DOK6: variants seen among roughly 807,000 people sequenced by gnomAD.
The protein encoded by DOK6 is downstream of tyrosine kinase 6.
DOK6 carries 22 observed loss-of-function variants against 44.0 expected under a neutral mutation model. The ratio of observed to expected loss-of-function variants is 0.50; its 90% confidence interval spans 0.36 to 0.71. DOK6 has a LOEUF of 0.71. DOK6 is among the 30% of genes least tolerant of loss of function. The probability of loss-of-function intolerance (pLI) is 0.00; values close to 1 mark genes in which losing one functional copy is unlikely to be tolerated. For synonymous variants in DOK6, 166 were observed against 145.5 expected, an observed-to-expected ratio of 1.14 and a Z score of -1.01; for missense variants, 340 against 416.4, an observed-to-expected ratio of 0.82 and a Z score of 1.60.
At chr18:69,572,962 C>T (rs1046906600) in intron 2 of DOK6, among the ~76,000 whole-genome samples, 2 of 150,252 alleles carry the variant, frequency 1.3e-5, no homozygotes, top group African/African-American at 2.4e-5. Context: ...TTTTGAGCCA[C>T]GACATGTAGC....
At chr18:69,558,833 T>C (rs1982754873) in intron 1 of DOK6, among the ~76,000 whole-genome samples, 1 of 152,152 alleles carries the variant, frequency 6.6e-6, no homozygotes, top group South Asian at 2.1e-4. Flanking sequence ...GCAGAATCTT[T>C]AGTTTAGTTA....
At chr18:69,818,241 T>C (rs558237290) in intron 7 of DOK6, among the ~76,000 whole-genome samples, 2 of 152,276 alleles carry the variant, frequency 1.3e-5, no homozygotes, top group African/African-American at 4.8e-5. Flanking sequence ...CCCATTCCAA[T>C]GCAGTTCCTT....
intron 1 of DOK6, among the ~76,000 whole-genome samples, chr18:69,502,477 G>A (rs1473766854): frequency 6.6e-6 from 1 of 152,086 alleles, no homozygotes; most frequent in African/African-American, 2.4e-5. Context: ...CTCAGAAGAG[G>A]TTACAGTCAA....
intron 7 of DOK6, among the ~76,000 whole-genome samples, chr18:69,811,552 ATATATATATATATATATATATATATC>A (rs1331644905): frequency 0.22 from 6,079 of 27,456 alleles, 393 homozygotes; most frequent in Admixed American, 0.26. Context: ...ATATATATAT[ATATATATATATATATATATATATATC>A]AAAACACTAC....
intron 1 of DOK6, among the ~76,000 whole-genome samples, chr18:69,435,610 T>G (rs2122432668): frequency 6.6e-6 from 1 of 152,354 alleles, no homozygotes; most frequent in South Asian, 2.1e-4. Flanking sequence ...AAAGTCAGGA[T>G]GGATACTGAA....
intron 3 of DOK6, among the ~76,000 whole-genome samples, chr18:69,609,840 A>G (rs1008422723): frequency 2.2e-4 from 33 of 152,246 alleles, no homozygotes; most frequent in Admixed American, 9.2e-4. Context: ...GTATTATTCA[A>G]TCTTTAAAAA....
At chr18:69,522,656 C>A (rs751774418) in intron 1 of DOK6, among the ~76,000 whole-genome samples, 108 of 152,002 alleles carry the variant, frequency 7.1e-4, no homozygotes, top group Admixed American at 1.7e-3. Context: ...TCGTTTTAAA[C>A]CATCCTTCTA....
At chr18:69,725,754 C>T (rs1438487760) in intron 5 of DOK6, among the ~76,000 whole-genome samples, 1 of 152,094 alleles carries the variant, frequency 6.6e-6, no homozygotes, top group African/African-American at 2.4e-5. Context: ...CCCAAAGTGC[C>T]GGGATTACAC....
intron 1 of DOK6, among the ~76,000 whole-genome samples, chr18:69,481,200 C>T (rs1181246395): frequency 6.6e-6 from 1 of 151,942 alleles, no homozygotes; most frequent in East Asian, 1.9e-4. Context: ...GATACCAAGT[C>T]ACATGTGTGA....
intron 1 of DOK6, among the ~76,000 whole-genome samples, chr18:69,505,246 G>A (rs1330492309): frequency 6.6e-6 from 1 of 152,140 alleles, no homozygotes; most frequent in African/African-American, 2.4e-5. Flanking sequence ...TGATGTTGAA[G>A]GGACTGTGGT....
At chr18:69,772,519 A>G (rs1296500021) in intron 7 of DOK6, among the ~76,000 whole-genome samples, 1 of 152,100 alleles carries the variant, frequency 6.6e-6, no homozygotes, top group African/African-American at 2.4e-5. Context: ...AAAGTTAGAC[A>G]TATAGAGTAA....
chr18:69,504,648 A>G, intron 1 of DOK6, among the ~76,000 whole-genome samples: 1 of 152,168 alleles, frequency 6.6e-6, no homozygotes, highest in East Asian at 1.9e-4. Context: ...GCAAAAAGAA[A>G]TCTTTTTTCT....
intron 3 of DOK6, chr18:69,618,396 T>C (rs1984362781): frequency 6.5e-6 from 1 of 152,698 alleles, no homozygotes; most frequent in African/African-American, 2.4e-5. Flanking sequence ...TCTGTGTTTT[T>C]AAAGAAGCAG....
At chr18:69,443,142 G>A (rs1979183098) in intron 1 of DOK6, among the ~76,000 whole-genome samples, 1 of 152,128 alleles carries the variant, frequency 6.6e-6, no homozygotes, top group Non-Finnish European at 1.5e-5. Flanking sequence ...AGAGTAAAAA[G>A]TTACATTTAC....
At chr18:69,437,737 CA>C in intron 1 of DOK6, among the ~76,000 whole-genome samples, 1 of 152,054 alleles carries the variant, frequency 6.6e-6, no homozygotes, top group South Asian at 2.1e-4. Flanking sequence ...GGGGATAATC[CA>C]AAGGAATTAT....
intron 6 of DOK6, among the ~76,000 whole-genome samples, chr18:69,757,273 G>A (rs1407787615): frequency 6.6e-6 from 1 of 152,160 alleles, no homozygotes; most frequent in Admixed American, 6.5e-5. Context: ...AAAATGTTTA[G>A]CGATTGAAAT....
At chr18:69,418,396 A>G (rs1416479030) in intron 1 of DOK6, among the ~76,000 whole-genome samples, 1 of 152,110 alleles carries the variant, frequency 6.6e-6, no homozygotes, top group Non-Finnish European at 1.5e-5. Flanking sequence ...TCTAAGCCTG[A>G]TGAATAACAG....
At chr18:69,456,392 C>A (rs1599140110) in intron 1 of DOK6, among the ~76,000 whole-genome samples, 1 of 152,214 alleles carries the variant, frequency 6.6e-6, no homozygotes, top group East Asian at 1.9e-4. Flanking sequence ...TAAGTGAGAA[C>A]ATATGGTATT....
chr18:69,804,212 G>A (rs1010702537), intron 7 of DOK6, among the ~76,000 whole-genome samples: 4 of 152,036 alleles, frequency 2.6e-5, no homozygotes, highest in Non-Finnish European at 5.9e-5. Flanking sequence ...ATGACTTGAG[G>A]ACTCTCATTG....
Sources: gnomAD v4.1 joint callset for allele counts (sites outside exome capture counted in the v4.1 genomes callset) on GRCh38, gnomAD v4.1.1 for gene constraint, MANE v1.5 for transcripts, NCBI Gene and HGNC (gene_info 2026-07-23, HGNC 2026-07-21) for gene names.